GCNT2: variants seen among roughly 807,000 people sequenced by gnomAD.
The protein encoded by GCNT2 is N-acetyllactosaminide beta-1,6-N-acetylglucosaminyl-transferase.
In GCNT2, 34 loss-of-function variants were observed where a neutral mutation model predicts 34.2. The observed-to-expected ratio is 1.00, with a 90% confidence interval of 0.76 to 1.32. The LOEUF is 1.32. Among genes scored for constraint, GCNT2 ranks in the 40% most tolerant of loss-of-function variants. GCNT2 has a pLI of 0.00. For synonymous variants in GCNT2, 212 were observed against 188.0 expected (o/e 1.13, Z -1.04); for missense variants, 584 against 489.4 (o/e 1.19, Z -1.82).
chr6:10,546,509 AT>A (rs1237176761), intron 3 of GCNT2, among the ~76,000 whole-genome samples: 1 of 152,050 alleles, frequency 6.6e-6, no homozygotes, highest in Non-Finnish European at 1.5e-5. Flanking sequence ...ATACAAAAAA[AT>A]TAGCCAGGCG....
At chr6:10,585,928 T>C (rs1764321560) in intron 3 of GCNT2, 1 of 1,605,766 alleles carries the variant, frequency 6.2e-7, no homozygotes, top group African/African-American at 1.3e-5. Context: ...ATTCAACCTC[T>C]CACACCGATC....
chr6:10,554,655 A>T (rs1376075501), intron 3 of GCNT2, among the ~76,000 whole-genome samples: 4 of 152,218 alleles, frequency 2.6e-5, no homozygotes, highest in Non-Finnish European at 1.5e-5. Context: ...CTAATATTTA[A>T]AAGTATTATT....
intron 3 of GCNT2, among the ~76,000 whole-genome samples, chr6:10,614,012 G>C (rs72821557): frequency 2.6e-5 from 4 of 152,310 alleles, no homozygotes; most frequent in Non-Finnish European, 4.4e-5. Flanking sequence ...GGAGCAACTG[G>C]ACATTGGCAA....
At chr6:10,577,574 C>G (rs1238040915) in intron 3 of GCNT2, among the ~76,000 whole-genome samples, 1 of 152,068 alleles carries the variant, frequency 6.6e-6, no homozygotes. Flanking sequence ...GAATTTCACT[C>G]TTTTTGCCCA....
At chr6:10,593,460 G>C (rs574397337) in intron 3 of GCNT2, among the ~76,000 whole-genome samples, 19 of 152,160 alleles carry the variant, frequency 1.2e-4, no homozygotes, top group African/African-American at 4.1e-4. Flanking sequence ...GCCTCAGGCT[G>C]CCAAGTAGCA....
At chr6:10,563,777 AATATATATAT>A (rs70991026) in intron 3 of GCNT2, among the ~76,000 whole-genome samples, 68 of 24,690 alleles carry the variant, frequency 2.8e-3, no homozygotes, top group African/African-American at 7.1e-3. Flanking sequence ...AAAAAAAAAA[AATATATATAT>A]ATATATATAT....
chr6:10,628,745 G>T lies in GCNT2; in HGVS notation c.*2138G>T, dbSNP rs2127449577. The T allele has an allele frequency of 6.6e-6, 1 of 152,472 alleles. No individual in the cohort carries two copies. The highest frequency in any genetic ancestry group is 2.1e-4 in the South Asian group (1 of 4,838). The allele number at this position is 152,472 out of a possible 1,614,324, so 9.4% of individuals were successfully genotyped here. ...TTACAAGACCTCTGGCTTGGGCCGG[G>T]CGTGGTGGCTCACACCTGTAATCCC... is the stretch of plus-strand genomic sequence containing the variant. On this transcript the variant is annotated 3_prime_UTR_variant, in exon 5 of 5. Coordinates refer to ENST00000495262, the MANE Select transcript of GCNT2 (RefSeq NM_145649.5).
At chr6:10,581,047 T>G (rs757049319) in intron 3 of GCNT2, among the ~76,000 whole-genome samples, 6 of 152,154 alleles carry the variant, frequency 3.9e-5, no homozygotes, top group Non-Finnish European at 7.4e-5. Context: ...GGTTGGAAGT[T>G]AATAGCTTTG....
intron 1 of GCNT2, among the ~76,000 whole-genome samples, chr6:10,524,172 T>C (rs1177838223): frequency 6.6e-6 from 1 of 151,376 alleles, no homozygotes; most frequent in Admixed American, 6.6e-5. Context: ...TGATTATAAA[T>C]CAAATGACTT....
chr6:10,599,483 A>G (rs779859189), intron 3 of GCNT2, among the ~76,000 whole-genome samples: 5 of 152,218 alleles, frequency 3.3e-5, no homozygotes, highest in African/African-American at 7.2e-5. Flanking sequence ...CCATCTCCCT[A>G]TCAGCTTCCA....
chr6:10,627,648 GTGTCTATTA>G lies in GCNT2; in HGVS notation c.*1045_*1053del, dbSNP rs1382007434. 6.6e-6 allele frequency: 1 copy of G among 152,110 alleles called. No homozygotes were observed. Among genetic ancestry groups the G allele is most frequent in the Non-Finnish European group, 1.5e-5 (1 of 68,032 alleles). The allele number at this position is 152,110 out of a possible 1,614,324, so 9.4% of individuals were successfully genotyped here. On this transcript the variant is annotated 3_prime_UTR_variant, in exon 5 of 5. Transcript: ENST00000495262. Reference sequence around the variant, plus strand: ...TCAGCCTTCAATCAACATCTCTTGAGTGTCTATTATGTACAGGACATGTACTGAGACAAA... The same window carrying G: ...TCAGCCTTCAATCAACATCTCTTGAGTGTACAGGACATGTACTGAGACAAA...
intron 3 of GCNT2, among the ~76,000 whole-genome samples, chr6:10,570,742 C>T (rs1477658648): frequency 6.6e-6 from 1 of 152,180 alleles, no homozygotes; most frequent in African/African-American, 2.4e-5. Context: ...CCTCTTGTGT[C>T]CTATGTGAAA....
intron 3 of GCNT2, among the ~76,000 whole-genome samples, chr6:10,616,097 T>A (rs374310085): frequency 6.6e-6 from 1 of 151,458 alleles, no homozygotes; most frequent in Admixed American, 6.6e-5. Context: ...TTCCCTCTAA[T>A]GTTTGGATGT....
At chr6:10,542,149 A>C (rs1762062920) in intron 3 of GCNT2, among the ~76,000 whole-genome samples, 1 of 152,150 alleles carries the variant, frequency 6.6e-6, no homozygotes, top group Admixed American at 6.6e-5. Flanking sequence ...AAAAAGAAAA[A>C]ATATCCAACA....
intron 3 of GCNT2, among the ~76,000 whole-genome samples, chr6:10,593,534 C>T (rs531926180): frequency 1.6e-4 from 25 of 152,134 alleles, no homozygotes; most frequent in African/African-American, 5.5e-4. Context: ...GATGGGATCT[C>T]GATATGTTGC....
intron 3 of GCNT2, among the ~76,000 whole-genome samples, chr6:10,611,841 A>G (rs1447778424): frequency 6.6e-6 from 1 of 152,258 alleles, no homozygotes; most frequent in African/African-American, 2.4e-5. Context: ...TGTAAAAAAT[A>G]TAAAAGCAAT....
At chr6:10,605,207 A>C (rs1422792896) in intron 3 of GCNT2, among the ~76,000 whole-genome samples, 1 of 119,806 alleles carries the variant, frequency 8.3e-6, no homozygotes, top group African/African-American at 3.7e-5. Flanking sequence ...TTCATGTAGG[A>C]ATTTTTTTTT....
chr6:10,619,662 G>C (rs1374769514), intron 3 of GCNT2: 1 of 152,122 alleles, frequency 6.6e-6, no homozygotes, highest in Non-Finnish European at 1.5e-5. Context: ...CCCTTGAGTC[G>C]TTCTTTTTCT....
At chr6:10,580,817 C>A (rs1354230261) in intron 3 of GCNT2, among the ~76,000 whole-genome samples, 5 of 152,120 alleles carry the variant, frequency 3.3e-5, no homozygotes, top group Non-Finnish European at 7.4e-5. Context: ...GAAGAGAAAT[C>A]CCAGCACTGC....
Sources: gnomAD v4.1 joint callset for allele counts (sites outside exome capture counted in the v4.1 genomes callset) on GRCh38, gnomAD v4.1.1 for gene constraint, MANE v1.5 for transcripts, NCBI Gene and HGNC (gene_info 2026-07-23, HGNC 2026-07-21) for gene names.